Variants in PVT1 observed in about 807,000 individuals in gnomAD.
PVT1 encodes CXCR4/PVT1 fusion.
rs545352573 is a variant in PVT1 at position 127,943,198 on chromosome 8, C to T, written n.783-45964C>T. ...CGTTGATGCCCTCCCCAGATCCTAA[C>T]GCGAAGTCTGACACATAGTAGCCTC... is the stretch of plus-strand genomic sequence containing the variant. On this transcript the variant is annotated intron_variant and non_coding_transcript_variant, in intron 3 of 10. Transcript: ENST00000651587. Among the ~76,000 whole-genome samples the T allele has an allele frequency of 2.4e-4, 36 of 152,274 alleles. No individual in the cohort carries two copies. In the South Asian group the frequency reaches 7.0e-3, roughly 30 times the overall value.
At chr8:127,829,948 T>A (rs902912059) in intron 2 of PVT1, among the ~76,000 whole-genome samples, 1 of 152,208 alleles carries the variant, frequency 6.6e-6, no homozygotes, top group Non-Finnish European at 1.5e-5. Flanking sequence ...AATCTCTGGC[T>A]TGTGGCTGCA....
At chr8:127,931,580 A>T (rs1816206738) in intron 3 of PVT1, among the ~76,000 whole-genome samples, 1 of 152,272 alleles carries the variant, frequency 6.6e-6, no homozygotes, top group Non-Finnish European at 1.5e-5. Flanking sequence ...GGCACAGAGC[A>T]GCTCAGCAGC....
At chr8:128,024,645 A>G (rs983697648) in intron 4 of PVT1, among the ~76,000 whole-genome samples, 2 of 151,936 alleles carry the variant, frequency 1.3e-5, no homozygotes, top group African/African-American at 4.8e-5. Context: ...AAAGTTTCCC[A>G]TGGAGACATT....
chr8:128,074,822 C>T (rs1035693360), intron 5 of PVT1, among the ~76,000 whole-genome samples: 1 of 152,152 alleles, frequency 6.6e-6, no homozygotes, highest in Non-Finnish European at 1.5e-5. Flanking sequence ...CTGTGTGCAA[C>T]CATCTTCCTC....
intron 4 of PVT1, among the ~76,000 whole-genome samples, chr8:128,011,232 C>T (rs192477158): frequency 6.6e-6 from 1 of 152,176 alleles, no homozygotes; most frequent in Admixed American, 6.5e-5. Context: ...ATGTCTCAAT[C>T]AGATTTGCTT....
intron 3 of PVT1, among the ~76,000 whole-genome samples, chr8:127,980,242 T>C (rs892529979): frequency 1.3e-5 from 2 of 152,098 alleles, no homozygotes; most frequent in Non-Finnish European, 2.9e-5. Flanking sequence ...CACACAGTAT[T>C]GGGGGGAATG....
At chr8:128,096,619 G>A (rs934060454) in exon 6 of PVT1, 2 of 152,224 alleles carry the variant, frequency 1.3e-5, no homozygotes, top group Non-Finnish European at 2.9e-5. Flanking sequence ...TGCATCTTGA[G>A]ACTCAGGATG....
intron 4 of PVT1, among the ~76,000 whole-genome samples, chr8:128,064,517 G>A (rs1229951129): frequency 6.6e-6 from 1 of 152,268 alleles, no homozygotes; most frequent in Non-Finnish European, 1.5e-5. Context: ...ATGATCATCT[G>A]GGAAATGTGC....
At chr8:127,903,206 A>G (rs1359161446) in intron 3 of PVT1, among the ~76,000 whole-genome samples, 1 of 151,978 alleles carries the variant, frequency 6.6e-6, no homozygotes, top group Non-Finnish European at 1.5e-5. Flanking sequence ...GCATTTTTTC[A>G]TGTTTGGTGG....
chr8:128,072,391 C>G (rs1372230565), intron 5 of PVT1, among the ~76,000 whole-genome samples: 1 of 152,224 alleles, frequency 6.6e-6, no homozygotes, highest in Non-Finnish European at 1.5e-5. Flanking sequence ...CTCAATCTTG[C>G]AGAGCCTCCA....
chr8:127,957,301 G>A (rs751987666), intron 3 of PVT1, among the ~76,000 whole-genome samples: 2 of 152,172 alleles, frequency 1.3e-5, no homozygotes, highest in Non-Finnish European at 2.9e-5. Context: ...GGACACGGTG[G>A]CTCATGCCTG....
intron 4 of PVT1, among the ~76,000 whole-genome samples, chr8:128,027,649 G>C (rs1418006788): frequency 6.6e-6 from 1 of 152,176 alleles, no homozygotes; most frequent in Non-Finnish European, 1.5e-5. Context: ...AAGAGACCCT[G>C]GGTTCTTGCC....
intron 5 of PVT1, among the ~76,000 whole-genome samples, chr8:128,078,462 T>G (rs1046926402): frequency 6.6e-6 from 1 of 152,244 alleles, no homozygotes; most frequent in Non-Finnish European, 1.5e-5. Context: ...TCTCTAGCTC[T>G]GCGACTTTGA....
rs185893596 is a variant in PVT1, at chr8:128,061,180, A to G, written n.913-8980A>G. 1.8e-3 allele frequency among the ~76,000 whole-genome samples: 272 copies of G among 152,308 alleles called. 2 individuals are homozygous for G. The highest frequency in any genetic ancestry group is 0.014 in the Middle Eastern group (4 of 294). The stretch of plus-strand genomic sequence containing the variant: ...CCCTTTCGGCCTCCAAAATGCTGGG[A>G]TTACAGACGTGAGCCACCATGCCTG... On this transcript the variant is annotated intron_variant and non_coding_transcript_variant, in intron 4 of 10. Transcript: ENST00000651587.
chr8:127,905,761 T>G (rs1815812741), intron 3 of PVT1, among the ~76,000 whole-genome samples: 1 of 152,240 alleles, frequency 6.6e-6, no homozygotes, highest in South Asian at 2.1e-4. Context: ...AAATAGAGGT[T>G]GAGTCAATCT....
At chr8:127,864,668 C>T (rs575412163) in intron 2 of PVT1, among the ~76,000 whole-genome samples, 1 of 152,264 alleles carries the variant, frequency 6.6e-6, no homozygotes, top group South Asian at 2.1e-4. Context: ...CTGCCTCAGC[C>T]CCCTGAGTAG....
At chr8:127,859,599 T>A (rs570859544) in intron 2 of PVT1, among the ~76,000 whole-genome samples, 1 of 152,182 alleles carries the variant, frequency 6.6e-6, no homozygotes, top group East Asian at 1.9e-4. Context: ...CAGGTCTGAC[T>A]CCCCGCCAGA....
intron 2 of PVT1, among the ~76,000 whole-genome samples, chr8:127,875,398 C>G (rs1355991877): frequency 1.3e-5 from 2 of 151,954 alleles, no homozygotes; most frequent in Non-Finnish European, 2.9e-5. Flanking sequence ...TTCTCCCTCT[C>G]CCTTTTTCAC....
At chr8:127,883,453 G>A (rs1354081805) in intron 2 of PVT1, among the ~76,000 whole-genome samples, 1 of 152,082 alleles carries the variant, frequency 6.6e-6, no homozygotes, top group Non-Finnish European at 1.5e-5. Context: ...ACCTGGTGGG[G>A]AGGGTCAAGA....
Sources: gnomAD v4.1 joint callset for allele counts (sites outside exome capture counted in the v4.1 genomes callset) on GRCh38, gnomAD v4.1.1 for gene constraint, MANE v1.5 for transcripts, NCBI Gene and HGNC (gene_info 2026-07-23, HGNC 2026-07-21) for gene names.